MDGA1: variants seen among roughly 807,000 people sequenced by gnomAD.
MDGA1 encodes the protein MAM domain containing glycosylphosphatidylinositol anchor 1, also known as MAM domain-containing glycosylphosphatidylinositol anchor protein 1.
A neutral mutation model predicts 101.5 loss-of-function variants in MDGA1; 54 were observed. That is an observed-to-expected ratio of 0.53 (90% CI 0.43 to 0.67). The LOEUF is 0.67. Ranked by LOEUF, MDGA1 falls within the 30% of genes least tolerant of loss-of-function variation. The pLI is 0.00. For synonymous variants in MDGA1, 533 were observed against 558.3 expected (o/e 0.95, Z 0.64); for missense variants, 1,083 against 1,323.8 (o/e 0.82, Z 2.82).
rs139744408 is a variant in MDGA1, at chr6:37,638,147, C to A, written c.2776+58G>T. 2.6e-4 allele frequency: 371 copies of A among 1,444,010 alleles called. 1 individual carries two copies. In the African/African-American group the frequency reaches 4.7e-3, roughly 18 times the overall value. The allele number at this position is 1,444,010 out of a possible 1,614,324, so 89.4% of individuals were successfully genotyped here. A position where few individuals can be genotyped will look rare whatever the true frequency, so the allele number is the denominator to read the frequency against. ...ACACCCTCCCTCAACAGACAGGAAC[C>A]CCCGCCACGCACAGCTCCCTCCAGA... is the stretch of plus-strand genomic sequence containing the variant. On this transcript the variant is annotated intron_variant, in intron 16 of 16. Transcript: ENST00000434837. This position sits in a 1 kb window ranked among gnomAD's most constrained non-coding sequence, Gnocchi z 4.8.
At chr6:37,674,750 GC>G (rs1471467806) in intron 1 of MDGA1, among the ~76,000 whole-genome samples, 1 of 152,172 alleles carries the variant, frequency 6.6e-6, no homozygotes, top group Non-Finnish European at 1.5e-5. Context: ...GTCCCAGGAT[GC>G]CAGGATTAAA....
chr6:37,694,766 C>T (rs966323833), intron 1 of MDGA1, among the ~76,000 whole-genome samples: 1 of 152,178 alleles, frequency 6.6e-6, no homozygotes, highest in African/African-American at 2.4e-5. Context: ...TGAAGCCAAG[C>T]TCTCAAAGGA....
intron 16 of MDGA1, 146 bp from the exon 17 acceptor site, chr6:37,637,605 A>T (rs1289283636): frequency 1.1e-5 from 7 of 636,710 alleles, no homozygotes; most frequent in Non-Finnish European, 1.9e-5. Flanking sequence ...ACACAGACAA[A>T]CTCACCGCAC....
intron 1 of MDGA1, among the ~76,000 whole-genome samples, chr6:37,675,554 G>A (rs1432590900): frequency 6.6e-6 from 1 of 152,172 alleles, no homozygotes. Context: ...GTAATCCTGA[G>A]AGATCAGAAC....
intron 1 of MDGA1, among the ~76,000 whole-genome samples, chr6:37,690,902 T>A (rs1762295947): frequency 2.0e-5 from 3 of 152,200 alleles, no homozygotes; most frequent in Admixed American, 6.5e-5. Flanking sequence ...TCCAGGCCTT[T>A]GCCACAATGT....
At chr6:37,680,414 G>A (rs1208306796) in intron 1 of MDGA1, among the ~76,000 whole-genome samples, 1 of 152,246 alleles carries the variant, frequency 6.6e-6, no homozygotes, top group Non-Finnish European at 1.5e-5. Flanking sequence ...GAGAAGGGCT[G>A]AGCAGAGATG....
intron 1 of MDGA1, among the ~76,000 whole-genome samples, chr6:37,665,243 C>A (rs555041069): frequency 6.6e-6 from 1 of 152,286 alleles, no homozygotes. Flanking sequence ...GGAAAAGACC[C>A]TAACTTCACA....
intron 1 of MDGA1, among the ~76,000 whole-genome samples, chr6:37,691,133 G>A (rs1229649680): frequency 2.0e-5 from 3 of 152,034 alleles, no homozygotes; most frequent in African/African-American, 7.3e-5. Flanking sequence ...CCCTGCCAAT[G>A]TCCAGAACTG....
chr6:37,640,982 T>C (rs1457226227), intron 14 of MDGA1, among the ~76,000 whole-genome samples: 1 of 152,116 alleles, frequency 6.6e-6, no homozygotes, highest in Non-Finnish European at 1.5e-5. Context: ...TCCCACCCCC[T>C]GCTGGCGAAG....
chr6:37,684,237 C>A (rs1762152480), intron 1 of MDGA1, among the ~76,000 whole-genome samples: 2 of 152,142 alleles, frequency 1.3e-5, no homozygotes, highest in Admixed American at 1.3e-4. Flanking sequence ...GATGTTGGAC[C>A]CGGTGGAGAC....
chr6:37,680,997 C>CG (rs1000511788), intron 1 of MDGA1, among the ~76,000 whole-genome samples: 65 of 39,742 alleles, frequency 1.6e-3, no homozygotes, highest in Non-Finnish European at 2.6e-3. Context: ...TCCTCCTCAG[C>CG]CCCCCCCCCC....
chr6:37,664,642 G>A lies in MDGA1; in HGVS notation c.68-536C>T, dbSNP rs1761704472. 8.3e-5 allele frequency among the ~76,000 whole-genome samples: 5 copies of A among 60,340 alleles called. No homozygotes were observed. The South Asian group carries it at 3.1e-3, about 37-fold the overall frequency. The allele number at this position is 60,340 out of a possible 152,430, so 39.6% of individuals were successfully genotyped here. ...ACACACACACACACACACAGAGGTGGGGTGACTATGGCACTGTCATACTCC... is the reference window on the plus strand; with the variant it reads ...ACACACACACACACACACAGAGGTGAGGTGACTATGGCACTGTCATACTCC... On this transcript the variant is annotated intron_variant, in intron 1 of 16. Coordinates refer to ENST00000434837, the MANE Select transcript of MDGA1 (RefSeq NM_153487.4).
At chr6:37,664,426 G>A (rs899934584) in intron 1 of MDGA1, 2 of 233,670 alleles carry the variant, frequency 8.6e-6, no homozygotes, top group African/African-American at 4.4e-5. Flanking sequence ...CATCTTAGCA[G>A]TCCTGGCGGT....
chr6:37,678,374 G>A (rs541614644), intron 1 of MDGA1, among the ~76,000 whole-genome samples: 9 of 152,028 alleles, frequency 5.9e-5, no homozygotes, highest in Admixed American at 1.3e-4. Context: ...CCCCACTCCC[G>A]AGGCCTGCCT....
At chr6:37,667,759 T>C (rs1179882691) in intron 1 of MDGA1, among the ~76,000 whole-genome samples, 1 of 152,202 alleles carries the variant, frequency 6.6e-6, no homozygotes, top group East Asian at 1.9e-4. Context: ...CAAGGCAGTA[T>C]TGTAATGACA....
At chr6:37,663,272 G>T (rs886685569) in intron 2 of MDGA1, among the ~76,000 whole-genome samples, 4 of 152,096 alleles carry the variant, frequency 2.6e-5, no homozygotes, top group Admixed American at 2.0e-4. Flanking sequence ...AAATTCATCT[G>T]GCATTCCCAG....
At chr6:37,657,509 C>T (rs1006354294) in intron 3 of MDGA1, among the ~76,000 whole-genome samples, 14 of 152,214 alleles carry the variant, frequency 9.2e-5, no homozygotes, top group African/African-American at 3.4e-4. Flanking sequence ...TGGCAGGACC[C>T]TGGCTAGCTG....
At chr6:37,644,076 GCATCCTGCCTCACCCCACA>G (rs1284771712) in intron 13 of MDGA1, 133 bp from the exon 14 acceptor site, 12,913 of 840,566 alleles carry the variant, frequency 0.015, 1,424 homozygotes, top group South Asian at 0.031. Flanking sequence ...CTCACCCCAC[GCATCCTGCCTCACCCCACA>G]CATCCTGCCT....
At position 37,681,180 on chromosome 6, in the gene MDGA1, C is replaced by T. The variant is rs146699702; in HGVS notation, c.67+15565G>A. ...TTTCCTCTGTTTGAACAAATTGCTA[C>T]GGATTCCTCCCTGTCTCAGGTCAGG... is the stretch of plus-strand genomic sequence containing the variant. On this transcript the variant is annotated intron_variant, in intron 1 of 16. Transcript: ENST00000434837. Among the ~76,000 whole-genome samples, 310 of 152,312 alleles carry T rather than the reference C, an allele frequency of 2.0e-3. 1 individual carries two copies. Among genetic ancestry groups the T allele is most frequent in the African/African-American group, 6.8e-3 (283 of 41,562 alleles).
Sources: gnomAD v4.1 joint callset for allele counts (sites outside exome capture counted in the v4.1 genomes callset) on GRCh38, gnomAD v4.1.1 for gene constraint, Gnocchi (gnomAD v3.1) non-coding constraint, MANE v1.5 for transcripts, NCBI Gene and HGNC (gene_info 2026-07-23, HGNC 2026-07-21) for gene names.